The following FAM120A variants were observed in gnomAD, a reference collection of about 807,000 sequenced individuals.
FAM120A encodes family with sequence similarity 120 member A, also known as constitutive coactivator of PPAR-gamma-like protein 1.
In FAM120A, 15 loss-of-function variants were observed where a neutral mutation model predicts 109.7. The ratio of observed to expected loss-of-function variants is 0.14; its 90% CI spans 0.09 to 0.21. The LOEUF (loss-of-function observed/expected upper bound fraction) is 0.21, where lower values mean the gene tolerates loss of function less well. FAM120A is among the 10% of genes least tolerant of loss of function. FAM120A has a pLI of 1.00. For synonymous variants in FAM120A, 493 were observed against 572.8 expected (o/e 0.86, Z 1.99); for missense variants, 899 against 1,439.3 (o/e 0.62, Z 6.07).
rs1588785312 is a variant in FAM120A, at chr9:93,465,387, T to C, written c.475-5754T>C. 2.6e-5 allele frequency among the ~76,000 whole-genome samples: 4 copies of C among 152,330 alleles called. No homozygotes were observed. The South Asian group carries it at 6.2e-4, about 24-fold the overall frequency. On this transcript the variant is annotated intron_variant, in intron 1 of 17. Transcript: ENST00000277165. ...TAATTGGTAACCAAATTCCATACTT[T>C]GTAGGTTTTCTTGTTTCTTTCAACT...
rs548880878 is a variant in FAM120A at position 93,461,133 on chromosome 9, CT to C, written c.474+8748del. On this transcript the variant is annotated intron_variant, in intron 1 of 17. Transcript: ENST00000277165. Reference sequence around the variant, plus strand: ...TAGGATCTGTGATTTAGAAACGGTACTTTTATGCGCCAGTCATTTGGCATTT... The same window carrying C: ...TAGGATCTGTGATTTAGAAACGGTACTTTATGCGCCAGTCATTTGGCATTT... 2.4e-4 allele frequency among the ~76,000 whole-genome samples: 37 copies of C among 152,276 alleles called. 1 individual carries two copies. In the Middle Eastern group the frequency reaches 0.01, roughly 42 times the overall value.
At chr9:93,561,884 G>A (rs1031383384) in intron 16 of FAM120A, among the ~76,000 whole-genome samples, 7 of 152,120 alleles carry the variant, frequency 4.6e-5, no homozygotes, top group Non-Finnish European at 7.3e-5. Context: ...TAGCTCAGGG[G>A]TAGAGCATTT....
intron 8 of FAM120A, among the ~76,000 whole-genome samples, chr9:93,528,239 G>A (rs1250553678): frequency 2.6e-5 from 4 of 152,186 alleles, no homozygotes; most frequent in African/African-American, 9.6e-5. Context: ...GAAAACACCA[G>A]TGAATTATCT....
chr9:93,460,695 A>G (rs1588776816), intron 1 of FAM120A, among the ~76,000 whole-genome samples: 2 of 152,314 alleles, frequency 1.3e-5, no homozygotes, highest in East Asian at 3.9e-4. Flanking sequence ...CTTGCCTGTT[A>G]TCCAGCTCTT....
intron 3 of FAM120A, 73 bp from the exon 4 acceptor site, chr9:93,497,398 G>A: frequency 1.3e-6 from 2 of 1,568,384 alleles, no homozygotes; most frequent in Non-Finnish European, 1.7e-6. Context: ...TTGAATTTCT[G>A]GCTCCTGCAT....
At chr9:93,495,307 C>G (rs1468233290) in intron 3 of FAM120A, among the ~76,000 whole-genome samples, 2 of 152,230 alleles carry the variant, frequency 1.3e-5, no homozygotes, top group African/African-American at 4.8e-5. Flanking sequence ...GATATGTTAG[C>G]TAATATACCA....
chr9:93,539,413 A>G (rs982288769), intron 10 of FAM120A, among the ~76,000 whole-genome samples: 2 of 152,260 alleles, frequency 1.3e-5, no homozygotes, highest in Non-Finnish European at 2.9e-5. Flanking sequence ...TTTTTCTGAC[A>G]GTGAAAAGAG....
At chr9:93,482,101 A>AC (rs1425267416) in intron 3 of FAM120A, among the ~76,000 whole-genome samples, 2 of 151,404 alleles carry the variant, frequency 1.3e-5, no homozygotes, top group African/African-American at 4.9e-5. Context: ...GTAATCTTTT[A>AC]CCAGCATTAT....
intron 10 of FAM120A, among the ~76,000 whole-genome samples, chr9:93,533,765 T>C (rs1861417873): frequency 6.6e-6 from 1 of 152,210 alleles, no homozygotes. Context: ...AGGCTCTGTC[T>C]AGTCCCAAAT....
intron 7 of FAM120A, among the ~76,000 whole-genome samples, chr9:93,525,999 G>A (rs1861065418): frequency 6.6e-6 from 1 of 152,174 alleles, no homozygotes; most frequent in Non-Finnish European, 1.5e-5. Flanking sequence ...AAGTTGATTG[G>A]AAGATAGGAG....
Position 93,498,584 on chromosome 9 carries a change from C to T in FAM120A, c.934-206C>T, listed in dbSNP as rs1270078096. ...CCACTTTGGAGTTCTGCTCTTGTGA[C>T]TACATTGCTTTAAAAGAATTCACGT... On this transcript the variant is annotated intron_variant, in intron 4 of 17. Transcript: ENST00000277165. The surrounding 1 kb of genome is among the most constrained non-coding windows in gnomAD (Gnocchi z 4.4). 6.6e-6 allele frequency among the ~76,000 whole-genome samples: 1 copy of T among 152,222 alleles called. No individual in the cohort carries two copies. Among genetic ancestry groups the T allele is most frequent in the East Asian group, 1.9e-4 (1 of 5,206 alleles).
In FAM120A at chr9:93,527,583, C is replaced by CT. The variant is rs536157289; in HGVS notation, c.1506+344dup. Among the ~76,000 whole-genome samples the CT allele has an allele frequency of 8.2e-5, 7 of 84,852 alleles. No individual in the cohort carries two copies. The South Asian group carries it at 3.3e-3, about 40-fold the overall frequency. The allele number at this position is 84,852 out of a possible 152,430, so 55.7% of individuals were successfully genotyped here. A position where few individuals can be genotyped will look rare whatever the true frequency, so the allele number is the denominator to read the frequency against. ...TTTAACTCCCCCACCCCCCTTTTTT[C>CT]TTTATCTTTTTAAAAAAATTTTTGT... On this transcript the variant is annotated intron_variant, in intron 8 of 17. Transcript: ENST00000277165.
At chr9:93,506,042 T>C (rs1289577073) in intron 5 of FAM120A, among the ~76,000 whole-genome samples, 1 of 152,260 alleles carries the variant, frequency 6.6e-6, no homozygotes, top group Non-Finnish European at 1.5e-5. Context: ...GTTGAATTTC[T>C]GATTATCTTC....
Position 93,546,264 on chromosome 9 carries a change from A to C in FAM120A, c.2159+2793A>C, listed in dbSNP as rs561333536. 1.6e-3 allele frequency among the ~76,000 whole-genome samples: 246 copies of C among 152,192 alleles called. 2 individuals carry two copies. Among genetic ancestry groups the C allele is most frequent in the Admixed American group, 1.9e-3 (29 of 15,280 alleles). ...ACTTTTTTTGTATTTTTCTCTTCCA[A>C]GTTTAGTGTGACACATGGCCTTTAA... On this transcript the variant is annotated intron_variant, in intron 11 of 17. Transcript: ENST00000277165.
At chr9:93,540,312 C>G (rs1861650078) in intron 10 of FAM120A, among the ~76,000 whole-genome samples, 1 of 152,222 alleles carries the variant, frequency 6.6e-6, no homozygotes, top group African/African-American at 2.4e-5. Context: ...GAGATGAGCG[C>G]CTTTGCTTCT....
At chr9:93,541,079 G>GT (rs1861681958) in intron 10 of FAM120A, among the ~76,000 whole-genome samples, 1 of 151,402 alleles carries the variant, frequency 6.6e-6, no homozygotes, top group Non-Finnish European at 1.5e-5. Flanking sequence ...GTGTGTGGTG[G>GT]GGGGTGTGTG....
At chr9:93,508,148 G>C (rs1860146735) in intron 5 of FAM120A, among the ~76,000 whole-genome samples, 1 of 152,188 alleles carries the variant, frequency 6.6e-6, no homozygotes, top group Non-Finnish European at 1.5e-5. Context: ...AGCATGGGGA[G>C]GTCACAGAGT....
intron 12 of FAM120A, among the ~76,000 whole-genome samples, chr9:93,555,300 G>A (rs1052693916): frequency 3.3e-5 from 5 of 152,100 alleles, no homozygotes; most frequent in African/African-American, 1.2e-4. Flanking sequence ...TCCAGGTTTT[G>A]GAAGGTCAAC....
chr9:93,456,107 T>C (rs1280718534), intron 1 of FAM120A, among the ~76,000 whole-genome samples: 2 of 152,252 alleles, frequency 1.3e-5, no homozygotes, highest in African/African-American at 4.8e-5. Context: ...TAATAATACT[T>C]TGGCCTATGT....
Sources: gnomAD v4.1 joint callset for allele counts (sites outside exome capture counted in the v4.1 genomes callset) on GRCh38, gnomAD v4.1.1 for gene constraint, Gnocchi (gnomAD v3.1) non-coding constraint, MANE v1.5 for transcripts, NCBI Gene and HGNC (gene_info 2026-07-23, HGNC 2026-07-21) for gene names.